Variants in CORO2B observed in about 807,000 individuals in gnomAD.
CORO2B encodes the protein coronin-2B.
CORO2B carries 26 observed loss-of-function variants against 58.8 expected under a neutral mutation model. That is an observed-to-expected ratio of 0.44 (90% CI 0.32 to 0.61). CORO2B has a LOEUF of 0.61. Ranked by LOEUF, CORO2B falls within the 20% of genes least tolerant of loss-of-function variation. CORO2B has a pLI of 0.04. For synonymous variants in CORO2B, 242 were observed against 253.8 expected (o/e 0.95, Z 0.44); for missense variants, 460 against 645.1 (o/e 0.71, Z 3.11).
chr15:68,616,615 G>T, intron 1 of CORO2B: 2 of 985,470 alleles, frequency 2.0e-6, no homozygotes, highest in Non-Finnish European at 2.4e-6. Context: ...CTGACAAGCG[G>T]TGAGTACGGC....
the CORO2B span, among the ~76,000 whole-genome samples, chr15:68,539,112 A>C: frequency 1.3e-5 from 2 of 152,334 alleles, no homozygotes; most frequent in Admixed American, 1.3e-4. Flanking sequence ...CCAGTAACCA[A>C]AGATAAAGGC....
At chr15:68,666,454 C>A (rs1272238748) in intron 2 of CORO2B, among the ~76,000 whole-genome samples, 3 of 152,156 alleles carry the variant, frequency 2.0e-5, no homozygotes, top group African/African-American at 7.2e-5. Context: ...TCCACAGGAC[C>A]CAGGGAGTGG....
chr15:68,545,451 G>T, the CORO2B span, among the ~76,000 whole-genome samples: 8 of 152,104 alleles, frequency 5.3e-5, no homozygotes, highest in Non-Finnish European at 1.0e-4. Context: ...GTTGTGTGTT[G>T]TGTGGTTGCT....
intron 2 of CORO2B, among the ~76,000 whole-genome samples, chr15:68,694,188 G>A (rs1413400268): frequency 1.3e-5 from 2 of 152,156 alleles, no homozygotes; most frequent in East Asian, 1.9e-4. Context: ...CACAGAGGAA[G>A]AGATCTTCAC....
chr15:68,608,129 C>G (rs538364836), intron 1 of CORO2B, among the ~76,000 whole-genome samples: 42 of 152,348 alleles, frequency 2.8e-4, no homozygotes, highest in African/African-American at 9.4e-4. Flanking sequence ...TGCTACCTAC[C>G]TCTGGGGCAA....
chr15:68,625,775 T>G (rs1435315947), intron 1 of CORO2B, among the ~76,000 whole-genome samples: 1 of 152,120 alleles, frequency 6.6e-6, no homozygotes, highest in Non-Finnish European at 1.5e-5. Flanking sequence ...CAGCTAACTT[T>G]TGTATTTTTT....
chr15:68,623,877 TGCAGCTGA>T (rs1452686106), intron 1 of CORO2B, among the ~76,000 whole-genome samples: 1 of 152,224 alleles, frequency 6.6e-6, no homozygotes, highest in Admixed American at 6.5e-5. Flanking sequence ...AGCTTCTCTC[TGCAGCTGA>T]GCGTGGGTCG....
intron 3 of CORO2B, among the ~76,000 whole-genome samples, chr15:68,697,526 G>T (rs1892543666): frequency 6.6e-6 from 1 of 152,166 alleles, no homozygotes; most frequent in Non-Finnish European, 1.5e-5. Flanking sequence ...GTGAGGAGGT[G>T]ACTGGAAGGG....
intron 3 of CORO2B, among the ~76,000 whole-genome samples, chr15:68,707,094 G>A (rs912295510): frequency 2.6e-5 from 4 of 152,160 alleles, no homozygotes; most frequent in African/African-American, 7.2e-5. Context: ...CTGAGTAGCT[G>A]GGATTACAAG....
intron 1 of CORO2B, among the ~76,000 whole-genome samples, chr15:68,608,545 G>T (rs1595965593): frequency 6.6e-6 from 1 of 152,178 alleles, no homozygotes; most frequent in African/African-American, 2.4e-5. Flanking sequence ...TGTGTGTGTT[G>T]GGGGACATTC....
intron 2 of CORO2B, among the ~76,000 whole-genome samples, chr15:68,668,606 G>A (rs1357092609): frequency 2.6e-5 from 4 of 152,146 alleles, no homozygotes; most frequent in Non-Finnish European, 5.9e-5. Context: ...GGCCCAGGGC[G>A]GGGAGCCCCA....
intron 7 of CORO2B, 41 bp from the exon 8 acceptor site, chr15:68,715,174 C>A: frequency 6.3e-7 from 1 of 1,575,674 alleles, no homozygotes; most frequent in Non-Finnish European, 8.7e-7. Context: ...TCTGCCCTCC[C>A]TACCTGCCAC....
At chr15:68,714,504 G>A (rs373495885) in intron 6 of CORO2B, 55 bp from the exon 7 acceptor site, 22 of 1,378,580 alleles carry the variant, frequency 1.6e-5, no homozygotes, top group African/African-American at 1.1e-4. Flanking sequence ...TGGGATTTGG[G>A]GAGGGGTATG....
the CORO2B span, among the ~76,000 whole-genome samples, chr15:68,540,950 A>C: frequency 6.6e-6 from 1 of 152,234 alleles, no homozygotes; most frequent in Admixed American, 6.5e-5. Flanking sequence ...GATCCTCTGC[A>C]AGGGCACAGT....
chr15:68,692,491 A>G (rs893782250), intron 2 of CORO2B, among the ~76,000 whole-genome samples: 1 of 151,864 alleles, frequency 6.6e-6, no homozygotes, highest in African/African-American at 2.4e-5. Context: ...AGGCTGAGAC[A>G]GGAGAATCGC....
chr15:68,704,044 ACACACACACACAC>A (rs1567014958), intron 3 of CORO2B, among the ~76,000 whole-genome samples: 56 of 54,032 alleles, frequency 1.0e-3, no homozygotes, highest in Non-Finnish European at 1.5e-3. Flanking sequence ...ACACATACAC[ACACACACACACAC>A]ACACACACAC....
chr15:68,645,684 C>T lies in CORO2B; in HGVS notation c.216+324C>T, dbSNP rs1466870703. On this transcript the variant is annotated intron_variant, in intron 2 of 11. Transcript: ENST00000261861. The surrounding 1 kb of genome is among the most constrained non-coding windows in gnomAD (Gnocchi z 4.5). ...TCTCCAAGACCAAGTCTAGCTCTAC[C>T]ACTCTGTGTCCTGAGTGTCCTCTTG... Among the ~76,000 whole-genome samples the T allele has an allele frequency of 6.6e-6, 1 of 152,180 alleles. No homozygotes were observed. The highest frequency in any genetic ancestry group is 1.5e-5 in the Non-Finnish European group (1 of 68,038).
rs1460308179 is a variant in CORO2B, at chr15:68,725,824, C to T, written c.1312-19C>T. 2 of 1,612,948 alleles carry T rather than the reference C, an allele frequency of 1.2e-6. No individual in the cohort carries two copies. Among genetic ancestry groups the T allele is most frequent in the Non-Finnish European group, 1.7e-6 (2 of 1,179,962 alleles). ...TCTCTCCTGGGCCCTCCTTGGCCCC[C>T]TCTCTTCCTCCACCCCAGCTCCTTC... On this transcript the variant is annotated intron_variant, in intron 11 of 11. Transcript: ENST00000261861.
intron 1 of CORO2B, among the ~76,000 whole-genome samples, chr15:68,626,469 G>T (rs1296845800): frequency 1.3e-5 from 2 of 152,210 alleles, no homozygotes; most frequent in African/African-American, 2.4e-5. Flanking sequence ...GGCTTATGTG[G>T]TCCTGAGTGC....
Sources: allele counts gnomAD v4.1 joint callset (sites outside exome capture counted in the v4.1 genomes callset), GRCh38; gene constraint gnomAD v4.1.1; non-coding constraint Gnocchi (gnomAD v3.1); transcripts MANE v1.5; gene names NCBI Gene and HGNC (gene_info 2026-07-23, HGNC 2026-07-21).